The following ARMC9 variants were observed in gnomAD, a reference collection of about 807,000 sequenced individuals.
ARMC9 encodes the protein lisH domain-containing protein ARMC9.
In ARMC9, 94 loss-of-function variants were observed where a neutral mutation model predicts 107.0. That is an observed-to-expected ratio of 0.88 (90% CI 0.74 to 1.04). The LOEUF (loss-of-function observed/expected upper bound fraction) is 1.04, where lower values mean the gene tolerates loss of function less well. Ranked by LOEUF, ARMC9 falls within the 50% of genes least tolerant of loss-of-function variation. ARMC9 has a pLI of 0.00. For synonymous variants in ARMC9, 380 were observed against 396.9 expected (o/e 0.96, Z 0.51); for missense variants, 942 against 1,030.1 (o/e 0.91, Z 1.17).
rs574416139 is a variant in ARMC9 at position 231,221,763 on chromosome 2, G to A, written c.505-965G>A. ...GGAGAGTTGCTTGAACCTGGGAGGCGGTGGTTGTAGTGAGCATAGATCGAG... is the reference window on the plus strand; with the variant it reads ...GGAGAGTTGCTTGAACCTGGGAGGCAGTGGTTGTAGTGAGCATAGATCGAG... On this transcript the variant is annotated intron_variant, in intron 5 of 24. Coordinates refer to ENST00000611582, the MANE Select transcript of ARMC9 (RefSeq NM_001352754.2). 2.2e-4 allele frequency among the ~76,000 whole-genome samples: 33 copies of A among 150,514 alleles called. No individual in the cohort carries two copies. In the South Asian group the frequency reaches 3.4e-3, roughly 15 times the overall value.
intron 21 of ARMC9, among the ~76,000 whole-genome samples, chr2:231,353,872 C>T (rs1265926934): frequency 1.3e-5 from 2 of 152,016 alleles, no homozygotes; most frequent in African/African-American, 4.8e-5. Context: ...ACACCCTGCC[C>T]CCTCCACACT....
intron 9 of ARMC9, among the ~76,000 whole-genome samples, chr2:231,253,477 G>A (rs1017298649): frequency 2.6e-5 from 4 of 152,118 alleles, no homozygotes; most frequent in South Asian, 2.1e-4. Context: ...AACCCAGTAG[G>A]CGGAGGTTGC....
At position 231,206,411 on chromosome 2, in the gene ARMC9, T is replaced by C. The variant is rs2125306174; in HGVS notation, c.51+122T>C. On this transcript the variant is annotated intron_variant, in intron 2 of 24. Transcript: ENST00000611582. ...TTCTATTGTTATGTTGGAGCTATTT[T>C]TCTATTATATAATATTCCATGTATT... 5 of 814,554 alleles carry C rather than the reference T, an allele frequency of 6.1e-6. No individual in the cohort carries two copies. In the East Asian group the frequency reaches 1.4e-4, roughly 23 times the overall value. The allele number at this position is 814,554 out of a possible 1,614,324, so 50.5% of individuals were successfully genotyped here.
At chr2:231,247,581 AC>A (rs1206087599) in intron 9 of ARMC9, among the ~76,000 whole-genome samples, 3 of 152,112 alleles carry the variant, frequency 2.0e-5, no homozygotes, top group Non-Finnish European at 2.9e-5. Context: ...ACCCTGCTAT[AC>A]CTCGTATACC....
chr2:231,226,893 T>G, intron 7 of ARMC9, 95 bp downstream of exon 7: 1 of 1,446,714 alleles, frequency 6.9e-7, no homozygotes, highest in Non-Finnish European at 9.7e-7. Context: ...AATTCATGAT[T>G]TTGGCTTTAA....
chr2:231,276,766 C>T lies in ARMC9; in HGVS notation c.1465C>T (p.Arg489Cys), dbSNP rs1426131334. ...SVALLMNLCL[R>C]STGKNMCAKV... ...GGCTTTGCTCATGAACCTCTGCCTC[C>T]GCAGCACAGGTCTCAGCCCCGACCC... The change falls in exon 15 of 25, where the codon CGC becomes TGC. Residue 489 changes from arginine (R) to cysteine (C), a missense_variant. Physicochemically the swap from Arg to Cys is radical, Grantham distance 180. Transcript: ENST00000611582. 1.9e-6 allele frequency: 3 copies of T among 1,614,064 alleles called. No individual in the cohort carries two copies. Among genetic ancestry groups the T allele is most frequent in the African/African-American group, 1.3e-5 (1 of 75,034 alleles).
chr2:231,244,680 A>G (rs1284357386), intron 9 of ARMC9, among the ~76,000 whole-genome samples: 1 of 152,090 alleles, frequency 6.6e-6, no homozygotes, highest in African/African-American at 2.4e-5. Context: ...GAGAATGTGG[A>G]TTTTGTTTGC....
intron 2 of ARMC9, among the ~76,000 whole-genome samples, chr2:231,207,064 G>A (rs985720279): frequency 6.6e-6 from 1 of 152,222 alleles, no homozygotes; most frequent in Non-Finnish European, 1.5e-5. Flanking sequence ...GAGTGCAGTG[G>A]CATCATCATG....
chr2:231,280,417 C>T (rs1357608960), intron 16 of ARMC9, among the ~76,000 whole-genome samples: 4 of 151,940 alleles, frequency 2.6e-5, no homozygotes, highest in South Asian at 2.1e-4. Context: ...GAGATTGTGC[C>T]GTTGCACTCC....
intron 21 of ARMC9, among the ~76,000 whole-genome samples, chr2:231,350,943 A>ATTTTT (rs2045041849): frequency 9.2e-6 from 1 of 108,532 alleles, no homozygotes; most frequent in African/African-American, 4.0e-5. Flanking sequence ...CAAAGTGACA[A>ATTTTT]TTCTTTTTTT....
intron 8 of ARMC9, among the ~76,000 whole-genome samples, chr2:231,236,017 G>A (rs1216661226): frequency 1.3e-5 from 2 of 152,144 alleles, no homozygotes. Context: ...GAACACCTGG[G>A]CTCAAGTGAT....
At chr2:231,363,769 C>A (rs1315792999) in intron 23 of ARMC9, among the ~76,000 whole-genome samples, 1 of 151,438 alleles carries the variant, frequency 6.6e-6, no homozygotes, top group South Asian at 2.1e-4. Context: ...CTTGTAGTCC[C>A]AGCTACTTGG....
rs542896396 is a variant in ARMC9 at position 231,306,940 on chromosome 2, C to T, written c.1773+10687C>T. Among the ~76,000 whole-genome samples, 5 of 152,320 alleles carry T rather than the reference C, an allele frequency of 3.3e-5. No homozygotes were observed. In the South Asian group the frequency reaches 1.0e-3, roughly 32 times the overall value. On this transcript the variant is annotated intron_variant, in intron 19 of 24. Transcript: ENST00000611582. ...TGACCAGAGCCACAGGTGGCCTTAG[C>T]ACGGATGTGGAGCTCTAGGGTGTCT...
intron 23 of ARMC9, among the ~76,000 whole-genome samples, chr2:231,367,466 C>G (rs1310221932): frequency 6.6e-6 from 1 of 152,194 alleles, no homozygotes; most frequent in Non-Finnish European, 1.5e-5. Context: ...TTGAGGGCTG[C>G]CTCCCAGGCT....
At chr2:231,290,328 G>A (rs2040898536) in intron 17 of ARMC9, among the ~76,000 whole-genome samples, 1 of 152,330 alleles carries the variant, frequency 6.6e-6, no homozygotes, top group East Asian at 1.9e-4. Flanking sequence ...AGCTGCACTT[G>A]GCATTTCTTT....
At chr2:231,258,842 C>G in intron 10 of ARMC9, 149 bp from the exon 11 acceptor site, 1 of 678,586 alleles carries the variant, frequency 1.5e-6, no homozygotes. Flanking sequence ...AGCCTAGAAC[C>G]CAGCCCGCCC....
chr2:231,307,636 T>C (rs2042107959), intron 19 of ARMC9, among the ~76,000 whole-genome samples: 1 of 152,172 alleles, frequency 6.6e-6, no homozygotes. Flanking sequence ...GGAAATGGAC[T>C]CTGGGCCTGA....
At chr2:231,209,008 TC>T (rs2032435160) in intron 3 of ARMC9, among the ~76,000 whole-genome samples, 1 of 152,098 alleles carries the variant, frequency 6.6e-6, no homozygotes, top group Non-Finnish European at 1.5e-5. Context: ...TTCAAGCGAT[TC>T]TCCTGCCTCA....
At chr2:231,284,367 G>C (rs2040432732) in intron 17 of ARMC9, among the ~76,000 whole-genome samples, 1 of 152,166 alleles carries the variant, frequency 6.6e-6, no homozygotes, top group Non-Finnish European at 1.5e-5. Context: ...CTATCACTAA[G>C]CTACCAATGA....
Sources: gnomAD v4.1 joint callset for allele counts (sites outside exome capture counted in the v4.1 genomes callset) on GRCh38, gnomAD v4.1.1 for gene constraint, MANE v1.5 for transcripts, NCBI Gene and HGNC (gene_info 2026-07-23, HGNC 2026-07-21) for gene names.